PTPRD: variants seen among roughly 807,000 people sequenced by gnomAD.
PTPRD encodes the protein protein tyrosine phosphatase receptor type D.
Under a neutral mutation model 214.5 loss-of-function variants are expected in PTPRD, and 34 were observed. The observed-to-expected ratio is 0.16, with a 90% CI of 0.12 to 0.21. The LOEUF is 0.21. PTPRD is among the 10% of genes least tolerant of loss of function. The pLI, the probability that PTPRD is intolerant of heterozygous loss-of-function variation, is 1.00. For synonymous variants in PTPRD, 1,128 were observed against 845.7 expected (o/e 1.33, Z -5.79); for missense variants, 2,545 against 2,398.7 (o/e 1.06, Z -1.27).
chr9:10,155,321 T>G (rs2099086417), intron 3 of PTPRD, among the ~76,000 whole-genome samples: 1 of 152,074 alleles, frequency 6.6e-6, no homozygotes, highest in African/African-American at 2.4e-5. Flanking sequence ...TTTGCTGAAG[T>G]TGTTTACCAG....
chr9:8,913,288 G>C (rs1587918370), intron 11 of PTPRD, among the ~76,000 whole-genome samples: 1 of 152,052 alleles, frequency 6.6e-6, no homozygotes, highest in Non-Finnish European at 1.5e-5. Flanking sequence ...CTTGTTGTAA[G>C]ATAAAACGTG....
chr9:10,492,610 T>C (rs139327427), intron 2 of PTPRD, among the ~76,000 whole-genome samples: 31 of 152,300 alleles, frequency 2.0e-4, no homozygotes, highest in Non-Finnish European at 3.5e-4. Flanking sequence ...ATTCTGGATA[T>C]TAGCCCTTTG....
intron 10 of PTPRD, among the ~76,000 whole-genome samples, chr9:9,112,281 A>T (rs973481436): frequency 6.6e-6 from 1 of 152,158 alleles, no homozygotes; most frequent in Admixed American, 6.6e-5. Context: ...GTACATTTTC[A>T]CTTCAGGCAG....
intron 8 of PTPRD, among the ~76,000 whole-genome samples, chr9:9,573,441 T>A (rs1030081650): frequency 6.6e-6 from 1 of 151,372 alleles, no homozygotes; most frequent in Non-Finnish European, 1.5e-5. Flanking sequence ...TATGTCAGTA[T>A]TGGTTATATG....
intron 11 of PTPRD, among the ~76,000 whole-genome samples, chr9:8,759,580 A>G (rs1044162400): frequency 4.0e-5 from 6 of 148,386 alleles, no homozygotes; most frequent in African/African-American, 1.5e-4. Flanking sequence ...CAGTATTTTA[A>G]TCTGCTGTTG....
At chr9:10,368,700 T>A (rs943221618) in intron 2 of PTPRD, among the ~76,000 whole-genome samples, 1 of 152,054 alleles carries the variant, frequency 6.6e-6, no homozygotes, top group Non-Finnish European at 1.5e-5. Context: ...AGACTTATGA[T>A]CAAGTCTAGC....
At chr9:10,349,060 G>A (rs1033668255) in intron 2 of PTPRD, among the ~76,000 whole-genome samples, 22 of 151,966 alleles carry the variant, frequency 1.4e-4, no homozygotes, top group African/African-American at 5.3e-4. Context: ...ATATCTGATT[G>A]TTTCCTCTGC....
At chr9:8,859,804 T>TGC (rs1555444935) in intron 11 of PTPRD, among the ~76,000 whole-genome samples, 18 of 142,540 alleles carry the variant, frequency 1.3e-4, no homozygotes, top group Non-Finnish European at 2.3e-4. Flanking sequence ...TCCAGCAATT[T>TGC]GGGGGTGGGG....
intron 11 of PTPRD, among the ~76,000 whole-genome samples, chr9:8,748,717 G>A (rs1013366309): frequency 1.3e-5 from 2 of 151,920 alleles, no homozygotes; most frequent in African/African-American, 2.4e-5. Context: ...TTCAAGACCA[G>A]CCTGACCAAC....
intron 7 of PTPRD, among the ~76,000 whole-genome samples, chr9:9,699,520 A>G (rs2097449779): frequency 6.6e-6 from 1 of 152,134 alleles, no homozygotes; most frequent in South Asian, 2.1e-4. Flanking sequence ...TAACAGTTAA[A>G]TCAAATTAGA....
chr9:9,521,554 T>G (rs2096972762), intron 8 of PTPRD, among the ~76,000 whole-genome samples: 1 of 152,182 alleles, frequency 6.6e-6, no homozygotes, highest in Non-Finnish European at 1.5e-5. Context: ...AGGAATGCAC[T>G]TTCTCTAAAA....
chr9:9,814,304 G>A (rs1590368), intron 5 of PTPRD, among the ~76,000 whole-genome samples: 57,315 of 136,680 alleles, frequency 0.42, 12,599 homozygotes, highest in African/African-American at 0.65. Context: ...AATTAGGTAA[G>A]AAAGAAAAAA....
intron 21 of PTPRD, among the ~76,000 whole-genome samples, chr9:8,508,506 G>C (rs557579556): frequency 6.6e-6 from 1 of 152,214 alleles, no homozygotes; most frequent in South Asian, 2.1e-4. Flanking sequence ...ATTATGGCAT[G>C]TCTCAATGTG....
intron 9 of PTPRD, among the ~76,000 whole-genome samples, chr9:9,238,446 C>A (rs2099968400): frequency 6.6e-6 from 1 of 152,056 alleles, no homozygotes; most frequent in Non-Finnish European, 1.5e-5. Flanking sequence ...TGGGTTTTAA[C>A]CCTTTGTCTC....
intron 8 of PTPRD, among the ~76,000 whole-genome samples, chr9:9,472,529 A>C (rs2094694541): frequency 6.6e-6 from 1 of 152,130 alleles, no homozygotes; most frequent in Admixed American, 6.5e-5. Context: ...AGGCACTTGC[A>C]ATCTCACATA....
chr9:9,693,979 G>A (rs941484797), intron 7 of PTPRD, among the ~76,000 whole-genome samples: 3 of 151,972 alleles, frequency 2.0e-5, no homozygotes, highest in South Asian at 2.1e-4. Context: ...AAATTTATCC[G>A]ACAGAATTGT....
chr9:8,636,278 C>T (rs1031250213), intron 13 of PTPRD, among the ~76,000 whole-genome samples: 1 of 152,138 alleles, frequency 6.6e-6, no homozygotes, highest in African/African-American at 2.4e-5. Flanking sequence ...TTCTGATTGG[C>T]TTAAATTAAG....
At chr9:9,454,240 C>G (rs775070806) in intron 8 of PTPRD, among the ~76,000 whole-genome samples, 11 of 151,606 alleles carry the variant, frequency 7.3e-5, no homozygotes, top group Non-Finnish European at 1.5e-4. Flanking sequence ...ACAAAAAAAG[C>G]CCTGATTTGT....
chr9:9,745,513 C>A (rs2098448429), intron 6 of PTPRD, among the ~76,000 whole-genome samples: 1 of 152,080 alleles, frequency 6.6e-6, no homozygotes, highest in African/African-American at 2.4e-5. Context: ...ACCATCGTGG[C>A]AGGGCAAATG....
Sources: allele counts gnomAD v4.1 joint callset (sites outside exome capture counted in the v4.1 genomes callset), GRCh38; gene constraint gnomAD v4.1.1; transcripts MANE v1.5; gene names NCBI Gene and HGNC (gene_info 2026-07-23, HGNC 2026-07-21).